Variants in USH2A observed in about 807,000 individuals in gnomAD.
USH2A encodes the protein usherin.
In USH2A, 443 loss-of-function variants were observed where a neutral mutation model predicts 538.9. The observed-to-expected ratio is 0.82, with a 90% confidence interval of 0.76 to 0.89. The LOEUF is 0.89. USH2A is among the 40% of genes least tolerant of loss of function. The pLI is 0.00. For missense variants in USH2A, 6,633 were observed against 6,324.8 expected (o/e 1.05, Z -1.65); for synonymous variants, 2,413 against 2,273.5 (o/e 1.06, Z -1.75).
intron 60 of USH2A, among the ~76,000 whole-genome samples, chr1:215,740,126 T>G (rs1400881860): frequency 6.6e-6 from 1 of 152,216 alleles, no homozygotes; most frequent in Non-Finnish European, 1.5e-5. Context: ...GCTCTTTGCA[T>G]TGTACTTTCT....
At chr1:215,849,947 A>G (rs1163843931) in intron 44 of USH2A, among the ~76,000 whole-genome samples, 1 of 151,020 alleles carries the variant, frequency 6.6e-6, no homozygotes, top group African/African-American at 2.4e-5. Flanking sequence ...ACTTTCTTAT[A>G]TCACCAAACA....
Position 216,323,277 on chromosome 1 carries a change from TA to T in USH2A, c.1550+196del, listed in dbSNP as rs34476340. ...ATATATTTATTTATAAAATACGTTT[TA>T]TATATATATATATATATATATATAA... On this transcript the variant is annotated intron_variant, in intron 8 of 71. Transcript: ENST00000307340. 0.3 allele frequency among the ~76,000 whole-genome samples: 13,171 copies of T among 44,036 alleles called. 1,196 individuals are homozygous for T. The highest frequency in any genetic ancestry group is 0.52 in the African/African-American group (9,417 of 18,160). 28.9% of individuals were successfully genotyped at this position (44,036 alleles called of 152,430 possible).
At chr1:216,227,087 C>T (rs1246568111) in intron 14 of USH2A, among the ~76,000 whole-genome samples, 1 of 152,200 alleles carries the variant, frequency 6.6e-6, no homozygotes, top group East Asian at 1.9e-4. Flanking sequence ...GAAACCTGTT[C>T]CCTCATTCTG....
chr1:215,778,056 T>TC (rs1288357565), intron 55 of USH2A, among the ~76,000 whole-genome samples: 4 of 68,354 alleles, frequency 5.9e-5, no homozygotes, highest in African/African-American at 4.1e-4. Flanking sequence ...CCCCATTATC[T>TC]TTTTTTTTTT....
intron 21 of USH2A, among the ~76,000 whole-genome samples, chr1:216,155,534 C>G (rs549587122): frequency 2.0e-4 from 31 of 152,240 alleles, no homozygotes; most frequent in African/African-American, 7.5e-4. Context: ...GGACCATTTT[C>G]CATGCTCTTA....
At chr1:215,795,736 G>T (rs1408694894) in intron 50 of USH2A, among the ~76,000 whole-genome samples, 1 of 152,130 alleles carries the variant, frequency 6.6e-6, no homozygotes, top group East Asian at 1.9e-4. Flanking sequence ...GTATTCAACT[G>T]GTTAGTCATA....
intron 43 of USH2A, among the ~76,000 whole-genome samples, chr1:215,872,488 G>C (rs1268684536): frequency 6.6e-6 from 1 of 152,098 alleles, no homozygotes; most frequent in Admixed American, 6.6e-5. Flanking sequence ...AGATAATTTT[G>C]CAGTAATTTC....
intron 35 of USH2A, among the ~76,000 whole-genome samples, chr1:215,984,517 G>A (rs939042492): frequency 6.6e-6 from 1 of 152,166 alleles, no homozygotes; most frequent in African/African-American, 2.4e-5. Context: ...TCACAGGGAA[G>A]CTGGATGATA....
At chr1:215,706,560 G>A (rs1260234506) in intron 61 of USH2A, among the ~76,000 whole-genome samples, 1 of 151,946 alleles carries the variant, frequency 6.6e-6, no homozygotes, top group Non-Finnish European at 1.5e-5. Flanking sequence ...CTTGTACCAG[G>A]CTCCAAACGG....
At chr1:216,286,869 C>G (rs775480509) in intron 11 of USH2A, among the ~76,000 whole-genome samples, 1 of 152,054 alleles carries the variant, frequency 6.6e-6, no homozygotes, top group Non-Finnish European at 1.5e-5. Flanking sequence ...ATGGGGTAAA[C>G]TTTAAAGAGT....
At chr1:216,293,540 G>A (rs967935927) in intron 9 of USH2A, among the ~76,000 whole-genome samples, 14 of 152,148 alleles carry the variant, frequency 9.2e-5, no homozygotes, top group African/African-American at 3.4e-4. Flanking sequence ...AGTAGCTCTG[G>A]CTACGTATTC....
At chr1:215,721,665 T>G (rs140678129) in intron 61 of USH2A, among the ~76,000 whole-genome samples, 189 of 152,184 alleles carry the variant, frequency 1.2e-3, no homozygotes, top group African/African-American at 4.3e-3. Flanking sequence ...CAAATACATA[T>G]TTGTCTGAAA....
At chr1:216,349,506 A>G (rs1471301637) in intron 4 of USH2A, among the ~76,000 whole-genome samples, 3 of 152,162 alleles carry the variant, frequency 2.0e-5, no homozygotes, top group Admixed American at 6.6e-5. Flanking sequence ...GATAAAACAG[A>G]TTGCAGTAAA....
At chr1:215,977,686 T>C (rs1207718357) in intron 35 of USH2A, among the ~76,000 whole-genome samples, 2 of 152,064 alleles carry the variant, frequency 1.3e-5, no homozygotes, top group Non-Finnish European at 2.9e-5. Flanking sequence ...CTAATTTTTG[T>C]GTTTTCAGTA....
chr1:215,792,710 GAGAC>G (rs1662014482), intron 50 of USH2A, among the ~76,000 whole-genome samples: 1 of 152,202 alleles, frequency 6.6e-6, no homozygotes, highest in Non-Finnish European at 1.5e-5. Context: ...TGCAAATTCA[GAGAC>G]AGACAATCTT....
chr1:215,914,404 GAGAA>G (rs1289535534), intron 38 of USH2A, among the ~76,000 whole-genome samples: 4 of 152,124 alleles, frequency 2.6e-5, no homozygotes, highest in African/African-American at 9.6e-5. Flanking sequence ...TGTAAAACGA[GAGAA>G]TCACAGTAAA....
chr1:215,665,254 T>A (rs1285675203), intron 64 of USH2A, among the ~76,000 whole-genome samples: 1 of 152,174 alleles, frequency 6.6e-6, no homozygotes, highest in South Asian at 2.1e-4. Flanking sequence ...CCATTCTGCA[T>A]GGGCTCCTGC....
rs114557184 is a variant in USH2A, at chr1:216,325,664, C to G, written c.849-65G>C. The G allele has an allele frequency of 3.2e-3, 4,719 of 1,491,116 alleles. 60 individuals carry two copies. The African/African-American group carries it at 0.036, about 11-fold the overall frequency. 92.4% of individuals were successfully genotyped at this position (1,491,116 alleles called of 1,614,324 possible). Reference sequence around the variant, plus strand: ...TAACAGTAATAGAACTTCTAGGAGTCGTTACAAATGAATGTCACTCGTTTA... The same window carrying G: ...TAACAGTAATAGAACTTCTAGGAGTGGTTACAAATGAATGTCACTCGTTTA... On this transcript the variant is annotated intron_variant, in intron 5 of 71. Transcript: ENST00000307340.
In USH2A at chr1:215,736,484, G is replaced by A. The variant is rs1157283609; in HGVS notation, c.11711+4891C>T. Among the ~76,000 whole-genome samples, 4 of 152,010 alleles carry A rather than the reference G, an allele frequency of 2.6e-5. No individual in the cohort carries two copies. The East Asian group carries it at 7.7e-4, about 29-fold the overall frequency. ...TGAAATAATGTTGATAAACTAGTTA[G>A]CATTTTTTAAGAAAATGAATTCTTA... On this transcript the variant is annotated intron_variant, in intron 60 of 71. Coordinates refer to ENST00000307340, the MANE Select transcript of USH2A (RefSeq NM_206933.4).
Sources: gnomAD v4.1 joint callset for allele counts (sites outside exome capture counted in the v4.1 genomes callset) on GRCh38, gnomAD v4.1.1 for gene constraint, MANE v1.5 for transcripts, NCBI Gene and HGNC (gene_info 2026-07-23, HGNC 2026-07-21) for gene names.